The following GALNT13 variants were observed in gnomAD, a reference collection of about 807,000 sequenced individuals.
GALNT13 encodes the protein polypeptide N-acetylgalactosaminyltransferase 13, also known as UDP-GalNAc:polypeptide N-acetylgalactosaminyltransferase 13.
A neutral mutation model predicts 64.2 loss-of-function variants in GALNT13; 28 were observed. The observed-to-expected ratio is 0.44, with a 90% CI of 0.32 to 0.60. The LOEUF is 0.60. GALNT13 is among the 20% of genes least tolerant of loss of function. The probability of loss-of-function intolerance (pLI) is 0.05; values close to 1 mark genes in which losing one functional copy is unlikely to be tolerated. For missense variants in GALNT13, 577 were observed against 669.8 expected (o/e 0.86, Z 1.53); for synonymous variants, 214 against 224.6 (o/e 0.95, Z 0.42).
intron 4 of GALNT13, among the ~76,000 whole-genome samples, chr2:154,183,816 A>C (rs1213218155): frequency 6.6e-6 from 1 of 151,656 alleles, no homozygotes; most frequent in Non-Finnish European, 1.5e-5. Context: ...AATCTATTTC[A>C]TTTATTTCTG....
chr2:153,689,027 TGTG>T, the GALNT13 span, among the ~76,000 whole-genome samples: 227 of 129,914 alleles, frequency 1.7e-3, 2 homozygotes, highest in Non-Finnish European at 3.1e-3. Context: ...TGTGTGTGTG[TGTG>T]TGTGTTCAGC....
chr2:153,263,856 C>G, the GALNT13 span, among the ~76,000 whole-genome samples: 1 of 152,268 alleles, frequency 6.6e-6, no homozygotes, highest in South Asian at 2.1e-4. Context: ...AGAAGAAAAT[C>G]TAGGCAATAC....
At chr2:154,150,042 C>T (rs1179940389) in intron 4 of GALNT13, among the ~76,000 whole-genome samples, 2 of 152,158 alleles carry the variant, frequency 1.3e-5, no homozygotes, top group African/African-American at 4.8e-5. Context: ...TTTGCCCATT[C>T]AGTATGATAT....
intron 3 of GALNT13, among the ~76,000 whole-genome samples, chr2:154,133,939 C>T (rs1051397955): frequency 2.6e-5 from 4 of 152,092 alleles, no homozygotes; most frequent in Non-Finnish European, 5.9e-5. Flanking sequence ...CTCTTCCAAG[C>T]AGTGATTCAG....
At chr2:154,343,685 G>A (rs368122059) in intron 9 of GALNT13, among the ~76,000 whole-genome samples, 8 of 151,980 alleles carry the variant, frequency 5.3e-5, no homozygotes. Context: ...TTGAATATGT[G>A]ATCTCAAATC....
intron 3 of GALNT13, among the ~76,000 whole-genome samples, chr2:154,086,994 T>G (rs1701563530): frequency 6.6e-6 from 1 of 152,084 alleles, no homozygotes; most frequent in Non-Finnish European, 1.5e-5. Flanking sequence ...ATCGAGTGTT[T>G]GCAAGCGTGA....
intron 9 of GALNT13, among the ~76,000 whole-genome samples, chr2:154,328,691 A>G (rs1410550291): frequency 6.6e-6 from 1 of 152,122 alleles, no homozygotes; most frequent in Non-Finnish European, 1.5e-5. Flanking sequence ...GAATTGCTGA[A>G]CATGTTTGAT....
chr2:153,256,242 C>G, the GALNT13 span, among the ~76,000 whole-genome samples: 1 of 151,756 alleles, frequency 6.6e-6, no homozygotes, highest in Non-Finnish European at 1.5e-5. Context: ...GATACCCTTT[C>G]TTCCAGTTGA....
chr2:154,355,184 G>A (rs138978173), intron 9 of GALNT13, among the ~76,000 whole-genome samples: 2 of 152,124 alleles, frequency 1.3e-5, no homozygotes, highest in Admixed American at 1.3e-4. Context: ...AGGTTGTATA[G>A]CCTGTAGATA....
chr2:153,941,187 G>A (rs1195823691), intron 2 of GALNT13, among the ~76,000 whole-genome samples: 1 of 152,092 alleles, frequency 6.6e-6, no homozygotes, highest in East Asian at 1.9e-4. Flanking sequence ...GTAGTTACAA[G>A]GTTTCAGTAT....
chr2:153,278,064 C>T, the GALNT13 span, among the ~76,000 whole-genome samples: 1 of 150,800 alleles, frequency 6.6e-6, no homozygotes, highest in Admixed American at 6.6e-5. Context: ...GTAGCTGAGA[C>T]TACAGGCGCC....
chr2:154,173,309 A>T (rs1303461194), intron 4 of GALNT13, among the ~76,000 whole-genome samples: 2 of 151,890 alleles, frequency 1.3e-5, no homozygotes, highest in Non-Finnish European at 2.9e-5. Flanking sequence ...TTCTCACTAT[A>T]CACAAAAAAA....
At chr2:153,737,397 TG>T in the GALNT13 span, among the ~76,000 whole-genome samples, 3 of 152,172 alleles carry the variant, frequency 2.0e-5, no homozygotes, top group African/African-American at 7.2e-5. Flanking sequence ...TTTTTTTCAA[TG>T]TTTTTTATTT....
At chr2:153,309,352 A>G in the GALNT13 span, among the ~76,000 whole-genome samples, 1 of 152,172 alleles carries the variant, frequency 6.6e-6, no homozygotes, top group Admixed American at 6.5e-5. Context: ...TTACCTTTCT[A>G]TAACATGTAC....
chr2:153,981,272 T>G (rs1426478388), intron 3 of GALNT13, among the ~76,000 whole-genome samples: 1 of 152,232 alleles, frequency 6.6e-6, no homozygotes, highest in East Asian at 1.9e-4. Context: ...AATGTGCAGG[T>G]TTGTTACATA....
chr2:153,647,485 C>T, the GALNT13 span, among the ~76,000 whole-genome samples: 1 of 152,134 alleles, frequency 6.6e-6, no homozygotes, highest in Non-Finnish European at 1.5e-5. Context: ...TCCCATTTGT[C>T]AATTTTGGCT....
At chr2:154,182,626 T>C (rs947719018) in intron 4 of GALNT13, among the ~76,000 whole-genome samples, 2 of 148,698 alleles carry the variant, frequency 1.3e-5, no homozygotes, top group African/African-American at 4.9e-5. Flanking sequence ...AAAATATATA[T>C]TTATTATATG....
the GALNT13 span, chr2:153,478,717 A>G: frequency 3.0e-6 from 2 of 665,986 alleles, no homozygotes; most frequent in Non-Finnish European, 5.1e-6. Context: ...GGGCCGTGGG[A>G]GTTTCCCAGG....
the GALNT13 span, among the ~76,000 whole-genome samples, chr2:153,795,523 A>C: frequency 6.6e-6 from 1 of 151,432 alleles, no homozygotes; most frequent in Non-Finnish European, 1.5e-5. Context: ...CCAGCTAGGT[A>C]CTTTTTTTTT....
Sources: allele counts gnomAD v4.1 joint callset (sites outside exome capture counted in the v4.1 genomes callset), GRCh38; gene constraint gnomAD v4.1.1; transcripts MANE v1.5; gene names NCBI Gene and HGNC (gene_info 2026-07-23, HGNC 2026-07-21).